GRIN3A: variants seen among roughly 807,000 people sequenced by gnomAD.
GRIN3A encodes the protein glutamate receptor ionotropic, NMDA 3A.
A neutral mutation model predicts 92.4 loss-of-function variants in GRIN3A; 47 were observed. The observed-to-expected ratio is 0.51, with a 90% CI of 0.40 to 0.65. GRIN3A has a LOEUF of 0.65. Ranked by LOEUF, GRIN3A falls within the 30% of genes least tolerant of loss-of-function variation. The pLI is 0.00. For missense variants in GRIN3A, 1,324 were observed against 1,393.1 expected (o/e 0.95, Z 0.79); for synonymous variants, 527 against 540.6 (o/e 0.97, Z 0.35).
At chr9:101,626,971 G>A (rs1219950201) in intron 4 of GRIN3A, among the ~76,000 whole-genome samples, 1 of 152,212 alleles carries the variant, frequency 6.6e-6, no homozygotes, top group Non-Finnish European at 1.5e-5. Flanking sequence ...CCTGAGATAC[G>A]TGAATGCCCT....
intron 6 of GRIN3A, chr9:101,594,984 C>CGGGCG: frequency 2.1e-6 from 3 of 1,459,950 alleles, no homozygotes; most frequent in Non-Finnish European, 2.7e-6. Flanking sequence ...GCGGTGAGCT[C>CGGGCG]GGGCGGGGCT....
At chr9:101,731,247 A>G (rs1830137081) in intron 1 of GRIN3A, among the ~76,000 whole-genome samples, 1 of 152,166 alleles carries the variant, frequency 6.6e-6, no homozygotes, top group Non-Finnish European at 1.5e-5. Context: ...GAAGGCTGAC[A>G]AATAGACGAA....
intron 6 of GRIN3A, among the ~76,000 whole-genome samples, chr9:101,584,939 A>G (rs1269013091): frequency 6.6e-6 from 1 of 152,222 alleles, no homozygotes; most frequent in African/African-American, 2.4e-5. Context: ...GTTACTAATC[A>G]AGATCTATGC....
At chr9:101,682,875 G>A (rs1016586471) in intron 2 of GRIN3A, among the ~76,000 whole-genome samples, 6 of 152,162 alleles carry the variant, frequency 3.9e-5, no homozygotes, top group South Asian at 2.1e-4. Context: ...CCAGCTACTC[G>A]GGAGGCTGAG....
At chr9:101,624,155 G>A (rs1828596763) in intron 4 of GRIN3A, among the ~76,000 whole-genome samples, 1 of 152,072 alleles carries the variant, frequency 6.6e-6, no homozygotes, top group African/African-American at 2.4e-5. Flanking sequence ...TATGTCCTGA[G>A]CCCATCCCTG....
At chr9:101,619,629 T>C (rs1828521993) in intron 5 of GRIN3A, among the ~76,000 whole-genome samples, 1 of 152,204 alleles carries the variant, frequency 6.6e-6, no homozygotes, top group Non-Finnish European at 1.5e-5. Context: ...ACAGCAATTT[T>C]ATCCTAACCC....
intron 3 of GRIN3A, among the ~76,000 whole-genome samples, chr9:101,639,049 A>G (rs1286895380): frequency 6.6e-6 from 1 of 152,178 alleles, no homozygotes; most frequent in African/African-American, 2.4e-5. Flanking sequence ...GGCTCTGTTA[A>G]TAACTGCAGT....
chr9:101,581,045 T>C (rs1827881332), intron 6 of GRIN3A, among the ~76,000 whole-genome samples: 1 of 152,236 alleles, frequency 6.6e-6, no homozygotes, highest in Non-Finnish European at 1.5e-5. Context: ...ATTGAGTTAA[T>C]ACTAGGTGCC....
Position 101,737,284 on chromosome 9 carries a change from ACT to A in GRIN3A, c.694_695del (p.Gln233GlufsTer16). 1 of 1,613,750 alleles carries A rather than the reference ACT, an allele frequency of 6.2e-7. No homozygotes were observed. Among genetic ancestry groups the A allele is most frequent in the Non-Finnish European group, 8.5e-7 (1 of 1,179,834 alleles). ...SIVRHEFPRE[S>X]QNPLHLQLSL... ...CCACGCACCAGGCTCCTCTCACCTG[ACT>A]CTCCCGTGGAAACTCGTGGCGCACG... On this transcript the variant is annotated frameshift_variant, in exon 1 of 9. Coordinates refer to ENST00000361820, the MANE Select transcript of GRIN3A (RefSeq NM_133445.3). LOFTEE classifies it high-confidence loss of function.
chr9:101,687,013 T>A lies in GRIN3A; in HGVS notation c.887A>T (p.Asn296Ile), dbSNP rs571327653. The A allele has an allele frequency of 6.2e-7, 1 of 1,614,094 alleles. No individual in the cohort carries two copies. The highest frequency in any genetic ancestry group is 1.1e-5 in the South Asian group (1 of 91,076). ...NSKFHLGSII[N>I]ITANLPSTQD... ...GGTGGAGGGGAGGTTAGCGGTGATG[T>A]TGATGATAGAACCAAGGTGGAACTT... is the stretch of plus-strand genomic sequence containing the variant. The change falls in exon 2 of 9, where the codon AAC becomes ATC. Residue 296 changes from asparagine (N) to isoleucine (I), a missense_variant. Transcript: ENST00000361820.
intron 3 of GRIN3A, among the ~76,000 whole-genome samples, chr9:101,641,566 T>C (rs1828863672): frequency 6.7e-6 from 1 of 148,164 alleles, no homozygotes; most frequent in African/African-American, 2.5e-5. Context: ...CACTCATTGG[T>C]GGGAATTGAA....
chr9:101,658,760 G>GTCTATCTATCTA (rs60257626), intron 3 of GRIN3A, among the ~76,000 whole-genome samples: 22 of 151,454 alleles, frequency 1.5e-4, no homozygotes, highest in African/African-American at 4.1e-4. Context: ...CTGTCTATCT[G>GTCTATCTATCTA]TCTATCTATC....
At chr9:101,661,779 T>G (rs1588271700) in intron 3 of GRIN3A, among the ~76,000 whole-genome samples, 1 of 151,760 alleles carries the variant, frequency 6.6e-6, no homozygotes, top group South Asian at 2.1e-4. Context: ...TTGATCCAAA[T>G]GGCCAAAATG....
rs576664513 is a variant in GRIN3A, at chr9:101,653,345, T to C, written c.2352+16715A>G. Among the ~76,000 whole-genome samples, 5 of 151,378 alleles carry C rather than the reference T, an allele frequency of 3.3e-5. No homozygotes were observed. The East Asian group carries it at 9.8e-4, about 30-fold the overall frequency. On this transcript the variant is annotated intron_variant, in intron 3 of 8. Coordinates refer to ENST00000361820, the MANE Select transcript of GRIN3A (RefSeq NM_133445.3). ...GCTTTTCAGAGAAAATAGATTACTTTTACTATTTTTGAATTTATGATGAAC... is the reference window on the plus strand; with the variant it reads ...GCTTTTCAGAGAAAATAGATTACTTCTACTATTTTTGAATTTATGATGAAC...
intron 3 of GRIN3A, among the ~76,000 whole-genome samples, chr9:101,635,968 T>C (rs1208378358): frequency 1.3e-5 from 2 of 152,118 alleles, no homozygotes; most frequent in Non-Finnish European, 2.9e-5. Flanking sequence ...CAGTGCAACC[T>C]CCGTCTCCTG....
At chr9:101,644,874 T>G (rs1435407806) in intron 3 of GRIN3A, among the ~76,000 whole-genome samples, 1 of 151,900 alleles carries the variant, frequency 6.6e-6, no homozygotes, top group East Asian at 1.9e-4. Context: ...CTCTATTTTT[T>G]ATTAATAGAA....
At chr9:101,711,733 G>A (rs971990860) in intron 1 of GRIN3A, among the ~76,000 whole-genome samples, 1 of 152,078 alleles carries the variant, frequency 6.6e-6, no homozygotes, top group African/African-American at 2.4e-5. Context: ...TTTCAAAACT[G>A]GAGATAATTG....
chr9:101,613,354 AT>A (rs1049828588), intron 6 of GRIN3A, 21 bp downstream of exon 6: 1 of 1,613,884 alleles, frequency 6.2e-7, no homozygotes, highest in African/African-American at 1.3e-5. Context: ...ACGTGTCACC[AT>A]TTTCAACAGT....
At chr9:101,680,547 G>A (rs1182961951) in intron 2 of GRIN3A, among the ~76,000 whole-genome samples, 1 of 152,120 alleles carries the variant, frequency 6.6e-6, no homozygotes, top group Non-Finnish European at 1.5e-5. Flanking sequence ...AACTGAGGAG[G>A]GAGGCCTAGA....
Sources: gnomAD v4.1 joint callset for allele counts (sites outside exome capture counted in the v4.1 genomes callset) on GRCh38, gnomAD v4.1.1 for gene constraint, MANE v1.5 for transcripts, NCBI Gene and HGNC (gene_info 2026-07-23, HGNC 2026-07-21) for gene names.